FHIT: variants seen among roughly 807,000 people sequenced by gnomAD.
FHIT encodes the protein bis(5'-adenosyl)-triphosphatase.
FHIT carries 19 observed loss-of-function variants against 17.9 expected under a neutral mutation model. The observed-to-expected ratio is 1.06, with a 90% confidence interval of 0.74 to 1.56. The LOEUF (loss-of-function observed/expected upper bound fraction) is 1.56, where lower values mean the gene tolerates loss of function less well. FHIT is among the 40% of genes most tolerant of loss of function. The pLI is 0.00. For missense variants in FHIT, 248 were observed against 189.2 expected (o/e 1.31, Z -1.82); for synonymous variants, 81 against 69.7 (o/e 1.16, Z -0.81).
chr3:60,048,268 C>A (rs1701732646), intron 5 of FHIT, among the ~76,000 whole-genome samples: 1 of 152,194 alleles, frequency 6.6e-6, no homozygotes, highest in South Asian at 2.1e-4. Flanking sequence ...CTTCTGCCTC[C>A]TGGGTTCAAG....
In FHIT at chr3:60,283,872, T is replaced by C. The variant is rs557556048; in HGVS notation, c.103+252988A>G. On this transcript the variant is annotated intron_variant, in intron 5 of 9. Coordinates refer to ENST00000492590, the MANE Select transcript of FHIT (RefSeq NM_002012.4). ...TATACAATAGGGAAAATAAAAGAAG[T>C]TTCTAGGGCACTGCAGAAAGACAAT... is the stretch of plus-strand genomic sequence containing the variant. 2.6e-5 allele frequency among the ~76,000 whole-genome samples: 4 copies of C among 151,850 alleles called. No homozygotes were observed. The South Asian group carries it at 6.3e-4, about 24-fold the overall frequency.
intron 5 of FHIT, among the ~76,000 whole-genome samples, chr3:60,149,342 CT>C (rs34596023): frequency 0.54 from 79,868 of 147,112 alleles, 22,278 homozygotes; most frequent in East Asian, 0.62. Flanking sequence ...CTTCAACATG[CT>C]TTTTTTTTTT....
chr3:59,910,272 G>A (rs897393656), intron 8 of FHIT, among the ~76,000 whole-genome samples: 4 of 152,320 alleles, frequency 2.6e-5, no homozygotes, highest in African/African-American at 9.6e-5. Context: ...CAGGGCATAG[G>A]TAGATAGGAG....
intron 4 of FHIT, among the ~76,000 whole-genome samples, chr3:60,798,059 C>A (rs1553730959): frequency 6.6e-6 from 1 of 151,758 alleles, no homozygotes; most frequent in East Asian, 1.9e-4. Context: ...TGTAAAGAAC[C>A]AGACAGTAAA....
chr3:60,283,132 G>T (rs1707543325), intron 5 of FHIT, among the ~76,000 whole-genome samples: 1 of 151,998 alleles, frequency 6.6e-6, no homozygotes, highest in African/African-American at 2.4e-5. Context: ...CAGTAACAAA[G>T]AAATAAACTA....
chr3:60,882,036 T>C (rs1180466113), intron 3 of FHIT, among the ~76,000 whole-genome samples: 2 of 151,758 alleles, frequency 1.3e-5, no homozygotes, highest in South Asian at 2.1e-4. Context: ...TAAATAAAAT[T>C]AGAAACAAAA....
At chr3:59,862,536 T>A (rs970087853) in intron 8 of FHIT, among the ~76,000 whole-genome samples, 1 of 152,198 alleles carries the variant, frequency 6.6e-6, no homozygotes, top group African/African-American at 2.4e-5. Context: ...TTTCTTAGCA[T>A]CCCGTTTGTA....
intron 8 of FHIT, among the ~76,000 whole-genome samples, chr3:59,891,933 G>A (rs1229944238): frequency 5.9e-5 from 9 of 152,248 alleles, no homozygotes; most frequent in South Asian, 4.2e-4. Context: ...TTAAAGAGAC[G>A]TTAGAAAGCA....
At chr3:60,859,081 C>A (rs892839911) in intron 3 of FHIT, among the ~76,000 whole-genome samples, 36 of 152,268 alleles carry the variant, frequency 2.4e-4, no homozygotes, top group Non-Finnish European at 4.6e-4. Context: ...CTAGAACATT[C>A]TGCATTTGTG....
intron 4 of FHIT, among the ~76,000 whole-genome samples, chr3:60,810,068 C>G (rs1559740010): frequency 6.6e-6 from 1 of 152,142 alleles, no homozygotes; most frequent in African/African-American, 2.4e-5. Context: ...AACACTGAAG[C>G]AGAGATTTCG....
chr3:60,189,076 G>A (rs569646270), intron 5 of FHIT, among the ~76,000 whole-genome samples: 1 of 152,180 alleles, frequency 6.6e-6, no homozygotes, highest in African/African-American at 2.4e-5. Flanking sequence ...AAGCAAGCAT[G>A]AGACAGCCCC....
intron 1 of FHIT, among the ~76,000 whole-genome samples, chr3:61,201,933 C>CAT (rs1192324401): frequency 6.6e-6 from 1 of 151,990 alleles, no homozygotes; most frequent in Non-Finnish European, 1.5e-5. Context: ...ACTTAAAATA[C>CAT]ATATATGTGT....
chr3:60,651,209 C>T (rs2039983455), intron 4 of FHIT, among the ~76,000 whole-genome samples: 1 of 151,930 alleles, frequency 6.6e-6, no homozygotes, highest in Non-Finnish European at 1.5e-5. Context: ...TGATTATTTT[C>T]TTGTCTTAAA....
At chr3:61,111,329 G>A (rs1034342933) in intron 2 of FHIT, among the ~76,000 whole-genome samples, 1 of 152,152 alleles carries the variant, frequency 6.6e-6, no homozygotes, top group Non-Finnish European at 1.5e-5. Context: ...ATCTGGCTCT[G>A]TCACTTACAA....
At chr3:59,779,120 A>T (rs979015730) in intron 8 of FHIT, among the ~76,000 whole-genome samples, 1 of 152,200 alleles carries the variant, frequency 6.6e-6, no homozygotes, top group African/African-American at 2.4e-5. Flanking sequence ...CAGGGAAGAA[A>T]ATCACATCCA....
chr3:60,187,143 T>G (rs1702191621), intron 5 of FHIT, among the ~76,000 whole-genome samples: 1 of 152,166 alleles, frequency 6.6e-6, no homozygotes, highest in Admixed American at 6.5e-5. Flanking sequence ...ATTTTCATTC[T>G]TCTTCTGTGT....
In FHIT at chr3:60,398,532, T is replaced by A. The variant is rs369709416; in HGVS notation, c.103+138328A>T. On this transcript the variant is annotated intron_variant, in intron 5 of 9. Coordinates refer to ENST00000492590, the MANE Select transcript of FHIT (RefSeq NM_002012.4). ...AAATTTAACAAATACACAGGGTCAGTCACATAGGTATTAATGCCACACCCA... is the reference window on the plus strand; with the variant it reads ...AAATTTAACAAATACACAGGGTCAGACACATAGGTATTAATGCCACACCCA... Among the ~76,000 whole-genome samples, 7 of 152,262 alleles carry A rather than the reference T, an allele frequency of 4.6e-5. 1 individual carries two copies. The highest frequency in any genetic ancestry group is 1.5e-5 in the Non-Finnish European group (1 of 68,024).
intron 3 of FHIT, among the ~76,000 whole-genome samples, chr3:61,010,769 G>A (rs1036967464): frequency 1.3e-5 from 2 of 152,126 alleles, no homozygotes; most frequent in African/African-American, 4.8e-5. Flanking sequence ...AAGTTAATTG[G>A]TTCTAAGGTT....
chr3:60,759,424 G>T (rs2108049547), intron 4 of FHIT, among the ~76,000 whole-genome samples: 1 of 152,306 alleles, frequency 6.6e-6, no homozygotes, highest in African/African-American at 2.4e-5. Flanking sequence ...GAAAGAAGAG[G>T]TCTAAGCTAG....
Sources: allele counts gnomAD v4.1 joint callset (sites outside exome capture counted in the v4.1 genomes callset), GRCh38; gene constraint gnomAD v4.1.1; transcripts MANE v1.5; gene names NCBI Gene and HGNC (gene_info 2026-07-23, HGNC 2026-07-21).